DNAH9: variants seen among roughly 807,000 people sequenced by gnomAD.
The protein encoded by DNAH9 is DNAH9 variant protein.
A neutral mutation model predicts 471.6 loss-of-function variants in DNAH9; 345 were observed. That is an observed-to-expected ratio of 0.73 (90% CI 0.67 to 0.80). DNAH9 has a LOEUF of 0.80. Among genes scored for constraint, DNAH9 ranks in the 30% least tolerant of loss-of-function variants. DNAH9 has a pLI of 0.00. For missense variants in DNAH9, 5,407 were observed against 5,609.2 expected, an observed-to-expected ratio of 0.96 and a Z score of 1.15; for synonymous variants, 2,093 against 2,123.6, an observed-to-expected ratio of 0.99 and a Z score of 0.40.
At chr17:11,914,085 C>G (rs2190613) in intron 61 of DNAH9, among the ~76,000 whole-genome samples, 3 of 151,922 alleles carry the variant, frequency 2.0e-5, no homozygotes, top group African/African-American at 7.3e-5. Flanking sequence ...TCTAGGATTA[C>G]ACTTCCTTCT....
chr17:11,607,771 T>C (rs903496458), intron 1 of DNAH9, among the ~76,000 whole-genome samples: 1 of 152,090 alleles, frequency 6.6e-6, no homozygotes, highest in Non-Finnish European at 1.5e-5. Context: ...GTTTTTGCCA[T>C]GTTGGCCAGG....
chr17:11,792,587 A>C (rs1969103482), intron 41 of DNAH9, among the ~76,000 whole-genome samples: 1 of 152,218 alleles, frequency 6.6e-6, no homozygotes. Context: ...GAAAAGAATG[A>C]TAAATATTTG....
At chr17:11,814,346 G>C (rs1403683758) in intron 45 of DNAH9, among the ~76,000 whole-genome samples, 3 of 152,170 alleles carry the variant, frequency 2.0e-5, no homozygotes, top group African/African-American at 7.2e-5. Context: ...GCACTAACCA[G>C]CTAAGAAAAC....
chr17:11,760,984 G>A (rs1387785884), intron 35 of DNAH9, among the ~76,000 whole-genome samples: 4 of 152,224 alleles, frequency 2.6e-5, no homozygotes, highest in African/African-American at 4.8e-5. Context: ...CTGTCACTAC[G>A]AAGCCGTGTC....
intron 4 of DNAH9, chr17:11,612,897 C>T (rs181234103): frequency 1.5e-4 from 23 of 152,348 alleles, no homozygotes; most frequent in East Asian, 9.6e-4. Context: ...CTACATAAAA[C>T]GAATCCAGGC....
chr17:11,930,765 CAA>C (rs11371438), intron 63 of DNAH9, among the ~76,000 whole-genome samples: 35 of 125,166 alleles, frequency 2.8e-4, no homozygotes, highest in Admixed American at 2.5e-3. Flanking sequence ...ACTCCATCTC[CAA>C]AAAAAAAAAA....
intron 65 of DNAH9, among the ~76,000 whole-genome samples, chr17:11,935,305 A>G (rs1040801093): frequency 6.6e-6 from 1 of 150,522 alleles, no homozygotes; most frequent in Non-Finnish European, 1.5e-5. Flanking sequence ...TTATGTTACT[A>G]TTACCACAGC....
chr17:11,618,039 C>A (rs1323743073), intron 5 of DNAH9, among the ~76,000 whole-genome samples: 2 of 152,204 alleles, frequency 1.3e-5, no homozygotes, highest in Non-Finnish European at 2.9e-5. Flanking sequence ...TGTGCCAGGA[C>A]AAATCACTTC....
intron 14 of DNAH9, among the ~76,000 whole-genome samples, chr17:11,659,763 A>C (rs557897457): frequency 6.6e-6 from 1 of 152,204 alleles, no homozygotes; most frequent in Non-Finnish European, 1.5e-5. Context: ...TTACCAGTAA[A>C]TAGTGTGGGC....
chr17:11,859,669 T>A (rs760261031), intron 50 of DNAH9, among the ~76,000 whole-genome samples: 16 of 152,104 alleles, frequency 1.1e-4, no homozygotes, highest in Non-Finnish European at 1.6e-4. Context: ...TCAGGAAGCT[T>A]ACAATCATGG....
chr17:11,694,229 C>T (rs892112103), intron 21 of DNAH9, 92 bp from the exon 22 acceptor site: 165 of 1,400,790 alleles, frequency 1.2e-4, no homozygotes, highest in Non-Finnish European at 1.5e-4. Flanking sequence ...GCATATGTTC[C>T]GTCTATTGCA....
At chr17:11,721,950 G>C (rs2075067590) in intron 27 of DNAH9, among the ~76,000 whole-genome samples, 1 of 152,062 alleles carries the variant, frequency 6.6e-6, no homozygotes, top group Non-Finnish European at 1.5e-5. Flanking sequence ...GAGAGCATGT[G>C]GCATTTTCAC....
intron 38 of DNAH9, among the ~76,000 whole-genome samples, chr17:11,777,098 G>A (rs1968466047): frequency 6.6e-6 from 1 of 152,170 alleles, no homozygotes; most frequent in South Asian, 2.1e-4. Flanking sequence ...AAATATCTGT[G>A]ATATATGCCT....
chr17:11,794,897 G>T (rs557116401), intron 42 of DNAH9, among the ~76,000 whole-genome samples: 1 of 148,138 alleles, frequency 6.8e-6, no homozygotes, highest in Non-Finnish European at 1.5e-5. Flanking sequence ...ACACAGGAAG[G>T]GGAACATCAC....
chr17:11,633,903 C>T (rs2073113045), intron 8 of DNAH9, among the ~76,000 whole-genome samples: 1 of 152,134 alleles, frequency 6.6e-6, no homozygotes, highest in African/African-American at 2.4e-5. Flanking sequence ...GTCTACAGAC[C>T]CCCTTTAAAT....
At chr17:11,664,009 G>A (rs189399268) in intron 14 of DNAH9, among the ~76,000 whole-genome samples, 16 of 152,334 alleles carry the variant, frequency 1.1e-4, no homozygotes, top group Admixed American at 1.0e-3. Flanking sequence ...AATACACCCT[G>A]AAGAGGTAAA....
At chr17:11,942,217 C>CATCT in intron 66 of DNAH9, 86 bp from the exon 67 acceptor site, 1 of 1,509,440 alleles carries the variant, frequency 6.6e-7, no homozygotes, top group Non-Finnish European at 9.0e-7. Flanking sequence ...GGGTGATTGG[C>CATCT]ATCTCTAGTC....
At chr17:11,964,197 T>C (rs1481566787) in intron 68 of DNAH9, among the ~76,000 whole-genome samples, 1 of 152,210 alleles carries the variant, frequency 6.6e-6, no homozygotes, top group African/African-American at 2.4e-5. Flanking sequence ...TTGACTTCCC[T>C]CTCTCCACCT....
intron 15 of DNAH9, 110 bp downstream of exon 15, chr17:11,665,078 T>C: frequency 1.1e-6 from 1 of 937,968 alleles, no homozygotes; most frequent in Non-Finnish European, 1.6e-6. Context: ...CCCAAAACGT[T>C]GTAGACCTTT....
Sources: gnomAD v4.1 joint callset for allele counts (sites outside exome capture counted in the v4.1 genomes callset) on GRCh38, gnomAD v4.1.1 for gene constraint, MANE v1.5 for transcripts, NCBI Gene and HGNC (gene_info 2026-07-23, HGNC 2026-07-21) for gene names.